Variants in DCC observed in about 807,000 individuals in gnomAD.
DCC encodes DCC netrin 1 receptor, also known as netrin receptor DCC.
A neutral mutation model predicts 172.5 loss-of-function variants in DCC; 58 were observed. That is an observed-to-expected ratio of 0.34 (90% CI 0.27 to 0.42). The LOEUF (loss-of-function observed/expected upper bound fraction) is 0.42, where lower values mean the gene tolerates loss of function less well. Among genes scored for constraint, DCC ranks in the 10% least tolerant of loss-of-function variants. The probability of loss-of-function intolerance (pLI) is 1.00; values close to 1 mark genes in which losing one functional copy is unlikely to be tolerated. For synonymous variants in DCC, 709 were observed against 644.5 expected, an observed-to-expected ratio of 1.10 and a Z score of -1.52; for missense variants, 1,740 against 1,791.0, an observed-to-expected ratio of 0.97 and a Z score of 0.51.
At chr18:53,031,932 A>C (rs1481534226) in intron 5 of DCC, among the ~76,000 whole-genome samples, 1 of 152,102 alleles carries the variant, frequency 6.6e-6, no homozygotes, top group Non-Finnish European at 1.5e-5. Flanking sequence ...CATTTTTCAA[A>C]AAGGGGCATT....
Position 53,047,294 on chromosome 18 carries a change from A to T in DCC, c.986-16011A>T, listed in dbSNP as rs1308244790. 3.4e-4 allele frequency among the ~76,000 whole-genome samples: 7 copies of T among 20,882 alleles called. No homozygotes were observed. In the South Asian group the frequency reaches 4.0e-3, roughly 12 times the overall value. The allele number at this position is 20,882 out of a possible 152,430, so 13.7% of individuals were successfully genotyped here. ...TATATATATATATATATATAATTTT[A>T]TATATATATATATAATTTTATATAT... On this transcript the variant is annotated intron_variant, in intron 5 of 28. Transcript: ENST00000442544.
chr18:53,351,205 C>A (rs556940758), intron 15 of DCC, among the ~76,000 whole-genome samples: 11 of 143,394 alleles, frequency 7.7e-5, no homozygotes, highest in African/African-American at 2.8e-4. Context: ...TTTTCTAAAG[C>A]TATTTGGAAA....
chr18:53,066,280 A>G, intron 7 of DCC, 114 bp downstream of exon 7: 1 of 965,568 alleles, frequency 1.0e-6, no homozygotes, highest in Non-Finnish European at 1.6e-6. Context: ...ATATGAAATC[A>G]TTTAGTTAAT....
intron 1 of DCC, among the ~76,000 whole-genome samples, chr18:52,505,061 G>C (rs1157724217): frequency 6.6e-6 from 1 of 152,128 alleles, no homozygotes; most frequent in Non-Finnish European, 1.5e-5. Context: ...AGTTTTTACA[G>C]AGCACCTATT....
intron 22 of DCC, among the ~76,000 whole-genome samples, chr18:53,448,598 C>G (rs890340999): frequency 5.3e-5 from 8 of 152,172 alleles, no homozygotes; most frequent in African/African-American, 1.9e-4. Flanking sequence ...GTGGCTCACA[C>G]CTGCAATCCC....
intron 1 of DCC, among the ~76,000 whole-genome samples, chr18:52,657,958 A>G (rs545686781): frequency 5.3e-5 from 8 of 152,192 alleles, no homozygotes; most frequent in Non-Finnish European, 1.0e-4. Flanking sequence ...TTATCATCTC[A>G]TAATTCTACA....
At chr18:53,095,548 G>A (rs560677994) in intron 7 of DCC, among the ~76,000 whole-genome samples, 1 of 152,228 alleles carries the variant, frequency 6.6e-6, no homozygotes, top group African/African-American at 2.4e-5. Flanking sequence ...ACCAGCTAAA[G>A]TGAAAGCATC....
At chr18:52,625,208 T>C (rs921880484) in intron 1 of DCC, among the ~76,000 whole-genome samples, 1 of 152,130 alleles carries the variant, frequency 6.6e-6, no homozygotes, top group Non-Finnish European at 1.5e-5. Context: ...TTGACGAAAA[T>C]GTCATTATGT....
chr18:53,410,937 CA>C (rs2145055631), intron 20 of DCC, among the ~76,000 whole-genome samples: 1 of 152,196 alleles, frequency 6.6e-6, no homozygotes, highest in South Asian at 2.1e-4. Flanking sequence ...TGAAATGCTT[CA>C]GCCATTTTAT....
chr18:53,294,250 C>G (rs1015682818), intron 12 of DCC, among the ~76,000 whole-genome samples: 1 of 152,172 alleles, frequency 6.6e-6, no homozygotes, highest in Non-Finnish European at 1.5e-5. Context: ...ATAACCCTAA[C>G]TGTGTTGATT....
intron 8 of DCC, among the ~76,000 whole-genome samples, chr18:53,159,687 A>C (rs2054803335): frequency 6.7e-6 from 1 of 150,288 alleles, no homozygotes; most frequent in Non-Finnish European, 1.5e-5. Context: ...GCATATATGT[A>C]AAAGTGTGGT....
At chr18:53,382,096 ACACACACACC>A (rs1907800543) in intron 15 of DCC, among the ~76,000 whole-genome samples, 2 of 85,458 alleles carry the variant, frequency 2.3e-5, no homozygotes, top group South Asian at 3.3e-4. Context: ...ACACACACAC[ACACACACACC>A]CCTACCTCCT....
chr18:53,448,047 G>GTTTTTT (rs35238619), intron 22 of DCC, among the ~76,000 whole-genome samples: 3 of 113,728 alleles, frequency 2.6e-5, no homozygotes, highest in Admixed American at 9.3e-5. Flanking sequence ...ATTTTGATGA[G>GTTTTTT]TTTTTTTTTT....
At chr18:53,232,527 T>A (rs576244674) in intron 12 of DCC, among the ~76,000 whole-genome samples, 1 of 152,294 alleles carries the variant, frequency 6.6e-6, no homozygotes, top group South Asian at 2.1e-4. Flanking sequence ...TCTGTCTGAC[T>A]CACATGCAAG....
intron 8 of DCC, among the ~76,000 whole-genome samples, chr18:53,168,015 T>C (rs1049028784): frequency 6.6e-6 from 1 of 152,122 alleles, no homozygotes; most frequent in African/African-American, 2.4e-5. Context: ...CAAAATAAGA[T>C]ACCATCTCAT....
chr18:52,512,536 C>T (rs572012699), intron 1 of DCC, among the ~76,000 whole-genome samples: 1 of 152,234 alleles, frequency 6.6e-6, no homozygotes, highest in East Asian at 1.9e-4. Flanking sequence ...AATGGATGTT[C>T]TATTGGATTT....
chr18:52,507,612 A>G (rs1267210531), intron 1 of DCC, among the ~76,000 whole-genome samples: 2 of 152,170 alleles, frequency 1.3e-5, no homozygotes, highest in Admixed American at 1.3e-4. Flanking sequence ...TGTTCCCAGC[A>G]TGAGCCACAA....
chr18:52,908,353 T>C (rs1194236100), intron 3 of DCC, among the ~76,000 whole-genome samples: 1 of 152,212 alleles, frequency 6.6e-6, no homozygotes, highest in Admixed American at 6.5e-5. Flanking sequence ...CGCTAGGCAA[T>C]GACAGAAGCA....
chr18:53,248,230 T>C (rs1273651022), intron 12 of DCC, among the ~76,000 whole-genome samples: 1 of 152,010 alleles, frequency 6.6e-6, no homozygotes, highest in African/African-American at 2.4e-5. Flanking sequence ...TCTCTTTATG[T>C]ATATGTTGGA....
Sources: gnomAD v4.1 joint callset for allele counts (sites outside exome capture counted in the v4.1 genomes callset) on GRCh38, gnomAD v4.1.1 for gene constraint, MANE v1.5 for transcripts, NCBI Gene and HGNC (gene_info 2026-07-23, HGNC 2026-07-21) for gene names.